DTNB: variants seen among roughly 807,000 people sequenced by gnomAD.
DTNB encodes DTN-B.
A neutral mutation model predicts 90.7 loss-of-function variants in DTNB; 63 were observed. The ratio of observed to expected loss-of-function variants is 0.69; its 90% CI spans 0.57 to 0.86. The LOEUF is 0.86. Ranked by LOEUF, DTNB falls within the 40% of genes least tolerant of loss-of-function variation. The probability of loss-of-function intolerance (pLI) is 0.00; values close to 1 mark genes in which losing one functional copy is unlikely to be tolerated. For synonymous variants in DTNB, 277 were observed against 286.7 expected, an observed-to-expected ratio of 0.97 and a Z score of 0.34; for missense variants, 744 against 807.1, an observed-to-expected ratio of 0.92 and a Z score of 0.95.
At chr2:25,491,594 A>G (rs1378842024) in intron 9 of DTNB, among the ~76,000 whole-genome samples, 1 of 152,054 alleles carries the variant, frequency 6.6e-6, no homozygotes, top group Non-Finnish European at 1.5e-5. Context: ...TCGCTGTTAT[A>G]TTTGGTGGAT....
At chr2:25,620,120 A>G (rs1410251968) in intron 4 of DTNB, among the ~76,000 whole-genome samples, 1 of 152,190 alleles carries the variant, frequency 6.6e-6, no homozygotes, top group Non-Finnish European at 1.5e-5. Flanking sequence ...AGACTGGGTA[A>G]TCCCAGACAG....
At chr2:25,390,644 G>A (rs1338857953) in intron 16 of DTNB, among the ~76,000 whole-genome samples, 2 of 151,740 alleles carry the variant, frequency 1.3e-5, no homozygotes, top group Admixed American at 6.6e-5. Context: ...ATGGGGTTTC[G>A]CCATCTTGGC....
At chr2:25,632,673 T>C (rs1009326483) in intron 3 of DTNB, among the ~76,000 whole-genome samples, 1 of 151,850 alleles carries the variant, frequency 6.6e-6, no homozygotes, top group African/African-American at 2.4e-5. Context: ...CTGCAGAGAG[T>C]CCCCAGCAGC....
At chr2:25,484,082 C>A (rs2065585380) in intron 9 of DTNB, among the ~76,000 whole-genome samples, 1 of 152,110 alleles carries the variant, frequency 6.6e-6, no homozygotes, top group Non-Finnish European at 1.5e-5. Context: ...CACCATATAG[C>A]CTAGGCTACA....
chr2:25,438,393 G>A (rs1389026742), intron 12 of DTNB, among the ~76,000 whole-genome samples: 1 of 152,122 alleles, frequency 6.6e-6, no homozygotes, highest in East Asian at 1.9e-4. Flanking sequence ...AGCCATCCTG[G>A]GCTGCATGCA....
chr2:25,387,261 G>A lies in DTNB; in HGVS notation c.1825+28C>T. 5.0e-6 allele frequency: 8 copies of A among 1,599,208 alleles called. No homozygotes were observed. Among genetic ancestry groups the A allele is most frequent in the Non-Finnish European group, 6.8e-6 (8 of 1,170,026 alleles). On this transcript the variant is annotated intron_variant, in intron 18 of 20. Coordinates refer to ENST00000406818, the MANE Select transcript of DTNB (RefSeq NM_021907.5). The surrounding 1 kb of genome is among the most constrained non-coding windows in gnomAD (Gnocchi z 4.5). The stretch of plus-strand genomic sequence containing the variant: ...GCGCGGGCAAGGCAGGGGAGGCCAG[G>A]AAGCTGGCTGGGAGCTCTGGGTTTC...
chr2:25,386,904 G>C (rs537278405), intron 18 of DTNB, among the ~76,000 whole-genome samples: 1 of 152,194 alleles, frequency 6.6e-6, no homozygotes, highest in Non-Finnish European at 1.5e-5. Flanking sequence ...GGCTGATTCC[G>C]CTCCAGACCT....
At chr2:25,636,886 C>T (rs938300268) in intron 3 of DTNB, among the ~76,000 whole-genome samples, 5 of 151,282 alleles carry the variant, frequency 3.3e-5, no homozygotes, top group East Asian at 1.9e-4. Context: ...AACATCACTT[C>T]GATCTAGGAT....
At chr2:25,432,645 G>A (rs1261683390) in intron 14 of DTNB, among the ~76,000 whole-genome samples, 1 of 152,174 alleles carries the variant, frequency 6.6e-6, no homozygotes, top group Non-Finnish European at 1.5e-5. Context: ...TGCCCTGCTG[G>A]TCCTGGAGCT....
intron 16 of DTNB, among the ~76,000 whole-genome samples, chr2:25,396,627 G>A (rs994338663): frequency 1.3e-5 from 2 of 151,056 alleles, no homozygotes; most frequent in Admixed American, 1.3e-4. Flanking sequence ...CTTGGGTGAC[G>A]GGGGCACCAA....
chr2:25,451,735 G>T lies in DTNB; in HGVS notation c.1170-100C>A, dbSNP rs568812253. Reference sequence around the variant, plus strand: ...ATGGAAGAAAAGCTCATAAAAGAATGGTAATAAAAGAACTAGAGGCCTGGG... The same window carrying T: ...ATGGAAGAAAAGCTCATAAAAGAATTGTAATAAAAGAACTAGAGGCCTGGG... On this transcript the variant is annotated intron_variant, in intron 11 of 20. Transcript: ENST00000406818. 2.6e-5 allele frequency: 31 copies of T among 1,196,258 alleles called. No homozygotes were observed. In the South Asian group the frequency reaches 5.7e-4, roughly 22 times the overall value. The allele number at this position is 1,196,258 out of a possible 1,614,324, so 74.1% of individuals were successfully genotyped here.
intron 2 of DTNB, among the ~76,000 whole-genome samples, chr2:25,645,491 G>T (rs2079239234): frequency 1.3e-5 from 2 of 152,034 alleles, no homozygotes; most frequent in Non-Finnish European, 2.9e-5. Context: ...AGGCATTGAA[G>T]TGCAGTTTCA....
intron 16 of DTNB, among the ~76,000 whole-genome samples, chr2:25,388,858 C>T (rs965307404): frequency 2.0e-5 from 3 of 149,236 alleles, no homozygotes; most frequent in Admixed American, 6.6e-5. Flanking sequence ...ACGTATATAT[C>T]TTTTTTGGAG....
intron 4 of DTNB, among the ~76,000 whole-genome samples, chr2:25,616,803 G>A (rs1249344196): frequency 5.3e-5 from 8 of 150,976 alleles, no homozygotes; most frequent in African/African-American, 1.9e-4. Flanking sequence ...GTGGTGGCAG[G>A]GGCCTGTAGT....
intron 10 of DTNB, among the ~76,000 whole-genome samples, chr2:25,475,911 T>C (rs916585997): frequency 1.3e-5 from 2 of 152,110 alleles, no homozygotes; most frequent in African/African-American, 4.8e-5. Flanking sequence ...AGACCTACTG[T>C]TCAGAAAAAA....
At chr2:25,600,884 A>C (rs2065736096) in intron 5 of DTNB, among the ~76,000 whole-genome samples, 1 of 152,172 alleles carries the variant, frequency 6.6e-6, no homozygotes, top group Non-Finnish European at 1.5e-5. Context: ...GTAATACAAA[A>C]TTTTTTATTC....
chr2:25,658,731 G>A (rs978469686), intron 1 of DTNB, among the ~76,000 whole-genome samples: 1 of 152,146 alleles, frequency 6.6e-6, no homozygotes, highest in Non-Finnish European at 1.5e-5. Context: ...ATAGAAACAG[G>A]AAAATGATCA....
At chr2:25,476,092 T>G (rs2063698939) in intron 10 of DTNB, among the ~76,000 whole-genome samples, 1 of 144,060 alleles carries the variant, frequency 6.9e-6, no homozygotes, top group African/African-American at 2.6e-5. Context: ...TTTTGAGAAG[T>G]AGTTTCGCTC....
chr2:25,497,966 A>G (rs1395593217), intron 9 of DTNB, among the ~76,000 whole-genome samples: 1 of 152,056 alleles, frequency 6.6e-6, no homozygotes, highest in East Asian at 1.9e-4. Flanking sequence ...CGCTCTCATC[A>G]TGTCACCATT....
Sources: gnomAD v4.1 joint callset for allele counts (sites outside exome capture counted in the v4.1 genomes callset) on GRCh38, gnomAD v4.1.1 for gene constraint, Gnocchi (gnomAD v3.1) non-coding constraint, MANE v1.5 for transcripts, NCBI Gene and HGNC (gene_info 2026-07-23, HGNC 2026-07-21) for gene names.